The following CELF2 variants were observed in gnomAD, a reference collection of about 807,000 sequenced individuals.
The protein encoded by CELF2 is CUGBP Elav-like family member 2.
A neutral mutation model predicts 62.6 loss-of-function variants in CELF2; 8 were observed. The ratio of observed to expected loss-of-function variants is 0.13; its 90% CI spans 0.07 to 0.23. CELF2 has a LOEUF of 0.23. Ranked by LOEUF, CELF2 falls within the 10% of genes least tolerant of loss-of-function variation. The pLI is 1.00. For synonymous variants in CELF2, 258 were observed against 250.0 expected, an observed-to-expected ratio of 1.03 and a Z score of -0.30; for missense variants, 333 against 671.0, an observed-to-expected ratio of 0.50 and a Z score of 5.56.
intron 1 of CELF2, among the ~76,000 whole-genome samples, chr10:10,853,455 G>A (rs1334363454): frequency 6.6e-6 from 1 of 152,030 alleles, no homozygotes; most frequent in Non-Finnish European, 1.5e-5. Flanking sequence ...CCACTGGAAG[G>A]TTACAAACCA....
At chr10:11,105,539 C>T (rs1322227712) in intron 1 of CELF2, 1 of 152,240 alleles carries the variant, frequency 6.6e-6, no homozygotes, top group African/African-American at 2.4e-5. Context: ...GTCTTCAGCC[C>T]CTGCCTTTTG....
At chr10:10,762,112 G>C in the CELF2 span, among the ~76,000 whole-genome samples, 2 of 152,130 alleles carry the variant, frequency 1.3e-5, no homozygotes, top group Admixed American at 1.3e-4. Flanking sequence ...AATTGGGAGA[G>C]AGACAGAGAA....
chr10:10,581,855 C>T, the CELF2 span, among the ~76,000 whole-genome samples: 5,926 of 152,104 alleles, frequency 0.039, 368 homozygotes, highest in African/African-American at 0.13. Flanking sequence ...TGGTGAAACC[C>T]GATGTCTACT....
intron 8 of CELF2, among the ~76,000 whole-genome samples, chr10:11,277,394 C>T (rs914252345): frequency 6.6e-6 from 1 of 152,192 alleles, no homozygotes; most frequent in Non-Finnish European, 1.5e-5. Context: ...CCCGAATTCC[C>T]CAGAGCCCTT....
At position 10,861,117 on chromosome 10, in the gene CELF2, T is replaced by A. The variant is rs146240327; in HGVS notation, c.54-58847T>A. ...GGTTGGTTGGTTGTTTGAGACAAGA[T>A]CTCACTCTGTCACCCAGGCTGGAGT... is the stretch of plus-strand genomic sequence containing the variant. On this transcript the variant is annotated intron_variant, in intron 1 of 13. Transcript: ENST00000636488. Among the ~76,000 whole-genome samples, 3 of 152,268 alleles carry A rather than the reference T, an allele frequency of 2.0e-5. No homozygotes were observed. The East Asian group carries it at 5.8e-4, about 29-fold the overall frequency.
chr10:11,288,628 G>A (rs983031073), intron 9 of CELF2, 76 bp downstream of exon 9: 8 of 1,544,328 alleles, frequency 5.2e-6, no homozygotes, highest in Middle Eastern at 1.7e-4. Flanking sequence ...CTCCAGGTGC[G>A]AGGGTGAGGC....
chr10:10,581,825 T>A, the CELF2 span, among the ~76,000 whole-genome samples: 1 of 152,078 alleles, frequency 6.6e-6, no homozygotes, highest in Non-Finnish European at 1.5e-5. Flanking sequence ...GTCAGGTGTT[T>A]GAGAACAGCC....
At chr10:10,523,836 AAC>A in the CELF2 span, among the ~76,000 whole-genome samples, 1 of 152,176 alleles carries the variant, frequency 6.6e-6, no homozygotes, top group Non-Finnish European at 1.5e-5. Flanking sequence ...AAGAGTTACC[AAC>A]AGTGTTCATT....
At chr10:10,650,851 C>A in the CELF2 span, among the ~76,000 whole-genome samples, 2 of 151,058 alleles carry the variant, frequency 1.3e-5, no homozygotes, top group Non-Finnish European at 3.0e-5. Context: ...GAAATGAAAA[C>A]GTGGAGGGGG....
intron 2 of CELF2, among the ~76,000 whole-genome samples, chr10:10,961,020 T>C (rs1472339936): frequency 6.6e-6 from 1 of 152,254 alleles, no homozygotes. Flanking sequence ...TTTCTCCCTG[T>C]TTCATTAGCA....
chr10:11,179,594 G>A (rs2072552653), intron 2 of CELF2, among the ~76,000 whole-genome samples: 1 of 152,148 alleles, frequency 6.6e-6, no homozygotes, highest in African/African-American at 2.4e-5. Flanking sequence ...TCATTCTTAG[G>A]ACATGTGTTG....
chr10:10,976,147 G>T (rs956784951), intron 2 of CELF2, among the ~76,000 whole-genome samples: 1 of 152,186 alleles, frequency 6.6e-6, no homozygotes, highest in Non-Finnish European at 1.5e-5. Flanking sequence ...CACATCTGCT[G>T]GTTTCCACTG....
At chr10:10,536,627 A>G in the CELF2 span, among the ~76,000 whole-genome samples, 1 of 152,216 alleles carries the variant, frequency 6.6e-6, no homozygotes, top group Non-Finnish European at 1.5e-5. Context: ...CCAGAATGTC[A>G]GCAAGTGTCC....
At chr10:10,536,471 T>C in the CELF2 span, among the ~76,000 whole-genome samples, 1 of 152,228 alleles carries the variant, frequency 6.6e-6, no homozygotes, top group African/African-American at 2.4e-5. Context: ...AAATATTCCT[T>C]CTTTAAGTGA....
chr10:11,108,708 G>A (rs1350539250), intron 1 of CELF2, among the ~76,000 whole-genome samples: 3 of 152,152 alleles, frequency 2.0e-5, no homozygotes, highest in Non-Finnish European at 2.9e-5. Context: ...GTTTCCCCAC[G>A]TCTCCACTTG....
chr10:11,031,503 G>A (rs2060108234), intron 1 of CELF2, among the ~76,000 whole-genome samples: 3 of 152,180 alleles, frequency 2.0e-5, no homozygotes, highest in African/African-American at 7.2e-5. Context: ...AGAAAAGTTA[G>A]AGTAGAATTC....
intron 1 of CELF2, among the ~76,000 whole-genome samples, chr10:10,808,746 A>T (rs1418691655): frequency 1.3e-5 from 2 of 152,132 alleles, no homozygotes; most frequent in Non-Finnish European, 2.9e-5. Context: ...AAACACAGAA[A>T]ATTATTTTTA....
intron 1 of CELF2, among the ~76,000 whole-genome samples, chr10:11,093,940 G>A (rs966279786): frequency 9.9e-5 from 15 of 152,158 alleles, no homozygotes; most frequent in Admixed American, 2.0e-4. Context: ...CATTGTCATG[G>A]ACAATTAGTA....
chr10:10,842,000 T>C (rs1387064173), intron 1 of CELF2, among the ~76,000 whole-genome samples: 1 of 152,126 alleles, frequency 6.6e-6, no homozygotes. Flanking sequence ...ATGTGGGTCC[T>C]ATAAATATTT....
Sources: gnomAD v4.1 joint callset for allele counts (sites outside exome capture counted in the v4.1 genomes callset) on GRCh38, gnomAD v4.1.1 for gene constraint, MANE v1.5 for transcripts, NCBI Gene and HGNC (gene_info 2026-07-23, HGNC 2026-07-21) for gene names.